The following DISC1 variants were observed in gnomAD, a reference collection of about 807,000 sequenced individuals.
The protein encoded by DISC1 is DISC1 scaffold protein.
A neutral mutation model predicts 84.5 loss-of-function variants in DISC1; 57 were observed. The observed-to-expected ratio is 0.67, with a 90% CI of 0.55 to 0.84. DISC1 has a LOEUF of 0.84. DISC1 is among the 40% of genes least tolerant of loss of function. The probability of loss-of-function intolerance (pLI) is 0.00; values close to 1 mark genes in which losing one functional copy is unlikely to be tolerated. For missense variants in DISC1, 1,000 were observed against 1,057.8 expected (o/e 0.95, Z 0.76); for synonymous variants, 411 against 415.2 (o/e 0.99, Z 0.12).
chr1:231,790,820 C>G (rs990741573), intron 6 of DISC1, among the ~76,000 whole-genome samples: 1 of 152,092 alleles, frequency 6.6e-6, no homozygotes, highest in African/African-American at 2.4e-5. Flanking sequence ...GCCTGGCCTT[C>G]CACATCTCTC....
intron 9 of DISC1, among the ~76,000 whole-genome samples, chr1:231,948,759 G>A (rs1657743414): frequency 6.6e-6 from 1 of 152,002 alleles, no homozygotes; most frequent in Non-Finnish European, 1.5e-5. Context: ...GGAAGTGAGG[G>A]TTCTCTATCA....
At chr1:232,013,491 A>T (rs111582847) in intron 11 of DISC1, among the ~76,000 whole-genome samples, 14 of 148,926 alleles carry the variant, frequency 9.4e-5, no homozygotes, top group African/African-American at 2.0e-4. Context: ...AAGGGCTAAC[A>T]CTCCTATAAC....
At chr1:231,792,807 C>T (rs891172698) in intron 6 of DISC1, among the ~76,000 whole-genome samples, 2 of 152,178 alleles carry the variant, frequency 1.3e-5, no homozygotes, top group Non-Finnish European at 2.9e-5. Flanking sequence ...AGATCCAATC[C>T]CTGGCCAGCC....
intron 4 of DISC1, among the ~76,000 whole-genome samples, chr1:231,753,043 G>C (rs183315316): frequency 1.4e-3 from 209 of 152,336 alleles, no homozygotes; most frequent in African/African-American, 4.7e-3. Context: ...TCACAGGCTG[G>C]CATTGAGTAC....
chr1:231,968,877 T>A (rs1308878727), intron 10 of DISC1, among the ~76,000 whole-genome samples: 1 of 152,142 alleles, frequency 6.6e-6, no homozygotes, highest in African/African-American at 2.4e-5. Context: ...TTTACCAGGT[T>A]AATGCAGCTC....
chr1:231,706,407 T>C (rs1428292245), intron 3 of DISC1, among the ~76,000 whole-genome samples: 1 of 152,212 alleles, frequency 6.6e-6, no homozygotes, highest in African/African-American at 2.4e-5. Context: ...ATGTGGTTAC[T>C]GTTCTAGTTG....
chr1:231,687,434 C>T (rs1156482390), intron 1 of DISC1, among the ~76,000 whole-genome samples: 2 of 152,142 alleles, frequency 1.3e-5, no homozygotes, highest in African/African-American at 2.4e-5. Flanking sequence ...CCCATCAGAT[C>T]TCATGAGACT....
intron 6 of DISC1, among the ~76,000 whole-genome samples, chr1:231,790,009 T>G (rs1282853130): frequency 1.3e-5 from 2 of 152,166 alleles, no homozygotes; most frequent in African/African-American, 4.8e-5. Context: ...CACATAACAT[T>G]TTCTTAGAGC....
At chr1:232,002,219 A>G (rs1048105046) in intron 10 of DISC1, among the ~76,000 whole-genome samples, 4 of 152,078 alleles carry the variant, frequency 2.6e-5, no homozygotes, top group African/African-American at 4.8e-5. Flanking sequence ...AAAAAAAATT[A>G]TAACACCAAA....
intron 3 of DISC1, chr1:231,721,154 T>A: frequency 8.1e-7 from 1 of 1,230,862 alleles, no homozygotes. Context: ...GCTGGGCTGA[T>A]GAAAGAAACA....
At chr1:231,627,236 A>G (rs1334208383) in intron 1 of DISC1, among the ~76,000 whole-genome samples, 1 of 152,138 alleles carries the variant, frequency 6.6e-6, no homozygotes, top group Non-Finnish European at 1.5e-5. Flanking sequence ...CTGCGTGTCC[A>G]GGTGACCGGG....
rs570354815 is a variant in DISC1, at chr1:231,988,158, C to A, written c.2043-20627C>A. Among the ~76,000 whole-genome samples the A allele has an allele frequency of 6.6e-5, 10 of 152,226 alleles. No individual in the cohort carries two copies. In the South Asian group the frequency reaches 2.1e-3, roughly 32 times the overall value. Reference sequence around the variant, plus strand: ...CCGAGATCGCGCCACTGCACTCCAGCCTGGGCGACAGAGTGAGACCCTGTC... The same window carrying A: ...CCGAGATCGCGCCACTGCACTCCAGACTGGGCGACAGAGTGAGACCCTGTC... On this transcript the variant is annotated intron_variant, in intron 10 of 12. Transcript: ENST00000439617.
rs149009815 is a variant in DISC1 at position 231,874,004 on chromosome 1, C to T, written c.1981+55487C>T. ...CTGGGACTACAGGCATGCACCACCA[C>T]GCCCAGCTATTTTTTTTATTTTTGG... On this transcript the variant is annotated intron_variant, in intron 9 of 12. Coordinates refer to ENST00000439617, the MANE Select transcript of DISC1 (RefSeq NM_018662.3). 5.3e-5 allele frequency among the ~76,000 whole-genome samples: 8 copies of T among 152,016 alleles called. No individual in the cohort carries two copies. The East Asian group carries it at 5.8e-4, about 11-fold the overall frequency.
chr1:231,803,015 A>G (rs2079398956), intron 8 of DISC1, among the ~76,000 whole-genome samples: 1 of 152,178 alleles, frequency 6.6e-6, no homozygotes, highest in Non-Finnish European at 1.5e-5. Flanking sequence ...ACTGCTGCCT[A>G]ATAAAAAATA....
At chr1:231,747,261 A>AT (rs1209098747) in intron 3 of DISC1, among the ~76,000 whole-genome samples, 1 of 152,150 alleles carries the variant, frequency 6.6e-6, no homozygotes, top group Non-Finnish European at 1.5e-5. Context: ...TGTGCAGAAG[A>AT]TTTTTAATTT....
chr1:231,835,656 G>T (rs1348500340), intron 9 of DISC1, among the ~76,000 whole-genome samples: 1 of 152,156 alleles, frequency 6.6e-6, no homozygotes, highest in Non-Finnish European at 1.5e-5. Flanking sequence ...ACAGTGTGTT[G>T]TCTATGTCCT....
At chr1:231,690,617 T>C (rs1175844958) in intron 1 of DISC1, among the ~76,000 whole-genome samples, 2 of 152,104 alleles carry the variant, frequency 1.3e-5, no homozygotes, top group Non-Finnish European at 2.9e-5. Context: ...GATATGTAAG[T>C]GAGAATTGAT....
At chr1:231,896,513 C>T (rs993749229) in intron 9 of DISC1, among the ~76,000 whole-genome samples, 4 of 152,070 alleles carry the variant, frequency 2.6e-5, no homozygotes, top group African/African-American at 9.7e-5. Context: ...TCACTGTTCT[C>T]CCTTCTTCTA....
chr1:231,705,669 G>T (rs1361285733), intron 3 of DISC1, among the ~76,000 whole-genome samples: 1 of 152,052 alleles, frequency 6.6e-6, no homozygotes, highest in South Asian at 2.1e-4. Flanking sequence ...AAGACATAAA[G>T]GTAGTGAATT....
Sources: allele counts gnomAD v4.1 joint callset (sites outside exome capture counted in the v4.1 genomes callset), GRCh38; gene constraint gnomAD v4.1.1; transcripts MANE v1.5; gene names NCBI Gene and HGNC (gene_info 2026-07-23, HGNC 2026-07-21).